Variants in HCN1 observed in about 807,000 individuals in gnomAD.
HCN1 encodes the protein potassium/sodium hyperpolarization-activated cyclic nucleotide-gated channel 1.
HCN1 carries 13 observed loss-of-function variants against 78.9 expected under a neutral mutation model. That is an observed-to-expected ratio of 0.16 (90% CI 0.11 to 0.26). The LOEUF is 0.26. HCN1 is among the 10% of genes least tolerant of loss of function. HCN1 has a pLI of 1.00. For synonymous variants in HCN1, 552 were observed against 455.5 expected (o/e 1.21, Z -2.70); for missense variants, 810 against 1,154.3 (o/e 0.70, Z 4.32).
rs926808402 is a variant in HCN1, at chr5:45,646,371, T to C, written c.426-763A>G. 6.5e-4 allele frequency among the ~76,000 whole-genome samples: 51 copies of C among 78,064 alleles called. No individual in the cohort carries two copies. The East Asian group carries it at 8.2e-3, about 13-fold the overall frequency. The allele number at this position is 78,064 out of a possible 152,430, so 51.2% of individuals were successfully genotyped here. The stretch of plus-strand genomic sequence containing the variant: ...ATAAAAATTCTTTCTTTCTTTCTTT[T>C]TTTTTTTTTTTTTTTTGAGACGGAG... On this transcript the variant is annotated intron_variant, in intron 1 of 7. Coordinates refer to ENST00000303230, the MANE Select transcript of HCN1 (RefSeq NM_021072.4).
rs933625890 is a variant in HCN1 at position 45,626,958 on chromosome 5, TAC to T, written c.849+18225_849+18226del. Among the ~76,000 whole-genome samples the T allele has an allele frequency of 2.3e-4, 35 of 151,780 alleles. No homozygotes were observed. In the East Asian group the frequency reaches 6.8e-3, roughly 29 times the overall value. Reference sequence around the variant, plus strand: ...TATATATACACGCCATATATATATATACACACATGCCATATATATATGTATAT... The same window carrying T: ...TATATATACACGCCATATATATATATACACATGCCATATATATATGTATAT... On this transcript the variant is annotated intron_variant, in intron 2 of 7. Transcript: ENST00000303230.
chr5:45,537,384 G>T (rs1352439341), intron 2 of HCN1, among the ~76,000 whole-genome samples: 1 of 129,378 alleles, frequency 7.7e-6, no homozygotes, highest in Non-Finnish European at 1.7e-5. Flanking sequence ...GTACACAGCT[G>T]ATTATGCATT....
intron 1 of HCN1, among the ~76,000 whole-genome samples, chr5:45,682,462 T>C (rs1447269686): frequency 6.6e-6 from 1 of 151,786 alleles, no homozygotes; most frequent in Non-Finnish European, 1.5e-5. Flanking sequence ...TTATTGTTTT[T>C]TATAGGGCAC....
intron 2 of HCN1, among the ~76,000 whole-genome samples, chr5:45,468,909 G>A (rs992184937): frequency 9.2e-5 from 14 of 151,934 alleles, no homozygotes; most frequent in African/African-American, 3.4e-4. Flanking sequence ...AAATCAATTT[G>A]TATAAAGGGG....
At chr5:45,338,550 G>GT (rs1288787081) in intron 5 of HCN1, among the ~76,000 whole-genome samples, 1 of 151,996 alleles carries the variant, frequency 6.6e-6, no homozygotes, top group Non-Finnish European at 1.5e-5. Context: ...GGATATCCTA[G>GT]TTCACTCATT....
chr5:45,379,069 C>A (rs1747750431), intron 4 of HCN1, among the ~76,000 whole-genome samples: 1 of 152,072 alleles, frequency 6.6e-6, no homozygotes, highest in Non-Finnish European at 1.5e-5. Flanking sequence ...GTGAATAGTG[C>A]CCTAATAAAC....
At chr5:45,553,139 A>G (rs565144250) in intron 2 of HCN1, among the ~76,000 whole-genome samples, 178 of 151,924 alleles carry the variant, frequency 1.2e-3, no homozygotes, top group Non-Finnish European at 1.8e-3. Context: ...GTCCTAAATC[A>G]CCTGCCCAGA....
chr5:45,319,059 T>C (rs879840104), intron 5 of HCN1, among the ~76,000 whole-genome samples: 7 of 152,062 alleles, frequency 4.6e-5, no homozygotes, highest in Admixed American at 2.6e-4. Context: ...TTTCATTTTA[T>C]GGTTATACTA....
chr5:45,657,455 C>A (rs1745795552), intron 1 of HCN1, among the ~76,000 whole-genome samples: 1 of 152,142 alleles, frequency 6.6e-6, no homozygotes, highest in South Asian at 2.1e-4. Flanking sequence ...ATAACAGAAT[C>A]CCATTAGTAG....
chr5:45,591,508 T>G (rs1744363207), intron 2 of HCN1, among the ~76,000 whole-genome samples: 1 of 152,176 alleles, frequency 6.6e-6, no homozygotes, highest in East Asian at 1.9e-4. Context: ...AGTTTGCATT[T>G]CCCTGAGGAC....
At chr5:45,372,371 T>C (rs1404684778) in intron 4 of HCN1, among the ~76,000 whole-genome samples, 6 of 108,726 alleles carry the variant, frequency 5.5e-5, no homozygotes, top group African/African-American at 2.4e-4. Context: ...ATATAAAACA[T>C]ATATATTATA....
intron 2 of HCN1, among the ~76,000 whole-genome samples, chr5:45,484,554 A>G (rs999384588): frequency 6.6e-6 from 1 of 152,164 alleles, no homozygotes; most frequent in African/African-American, 2.4e-5. Context: ...TTCCTTTTAA[A>G]ATGAGAATGT....
At chr5:45,588,235 A>G (rs761685909) in intron 2 of HCN1, among the ~76,000 whole-genome samples, 10 of 152,194 alleles carry the variant, frequency 6.6e-5, no homozygotes, top group Non-Finnish European at 1.3e-4. Context: ...ATAATAATGT[A>G]CATTTATATT....
intron 5 of HCN1, among the ~76,000 whole-genome samples, chr5:45,313,229 C>T (rs1260102359): frequency 6.6e-6 from 1 of 152,160 alleles, no homozygotes; most frequent in African/African-American, 2.4e-5. Flanking sequence ...GTTCTGCAGC[C>T]TTCATTGCTG....
chr5:45,388,223 C>G (rs942104222), intron 4 of HCN1, among the ~76,000 whole-genome samples: 3 of 152,166 alleles, frequency 2.0e-5, no homozygotes, highest in Admixed American at 6.6e-5. Flanking sequence ...GCACAGGCCA[C>G]TATTTTCCCA....
intron 6 of HCN1, among the ~76,000 whole-genome samples, chr5:45,301,676 A>T (rs1745624162): frequency 6.6e-6 from 1 of 150,610 alleles, no homozygotes; most frequent in South Asian, 2.1e-4. Context: ...AGCCATAATC[A>T]TGCCAGTGCA....
At chr5:45,658,865 C>T (rs1258043761) in intron 1 of HCN1, among the ~76,000 whole-genome samples, 2 of 149,762 alleles carry the variant, frequency 1.3e-5, no homozygotes, top group Non-Finnish European at 1.5e-5. Context: ...AAGGCGGCAA[C>T]GAGGCTGGGG....
chr5:45,492,784 G>A (rs944329258), intron 2 of HCN1, among the ~76,000 whole-genome samples: 12 of 152,020 alleles, frequency 7.9e-5, no homozygotes, highest in Non-Finnish European at 1.3e-4. Flanking sequence ...TCACAGGTGT[G>A]AGTGTTACAT....
intron 2 of HCN1, among the ~76,000 whole-genome samples, chr5:45,546,008 C>T (rs1398201663): frequency 2.0e-5 from 3 of 151,944 alleles, no homozygotes; most frequent in Admixed American, 6.6e-5. Flanking sequence ...GGTTTATTTA[C>T]CCAATTTAAC....
Sources: gnomAD v4.1 joint callset for allele counts (sites outside exome capture counted in the v4.1 genomes callset) on GRCh38, gnomAD v4.1.1 for gene constraint, MANE v1.5 for transcripts, NCBI Gene and HGNC (gene_info 2026-07-23, HGNC 2026-07-21) for gene names.